Variants in PITPNC1 observed in about 807,000 individuals in gnomAD.
PITPNC1 encodes cytoplasmic phosphatidylinositol transfer protein 1.
In PITPNC1, 18 loss-of-function variants were observed where a neutral mutation model predicts 44.7. That is an observed-to-expected ratio of 0.40 (90% CI 0.28 to 0.60). PITPNC1 has a LOEUF of 0.60. Among genes scored for constraint, PITPNC1 ranks in the 20% least tolerant of loss-of-function variants. The probability of loss-of-function intolerance (pLI) is 0.39; values close to 1 mark genes in which losing one functional copy is unlikely to be tolerated. For missense variants in PITPNC1, 290 were observed against 418.4 expected (o/e 0.69, Z 2.68); for synonymous variants, 141 against 149.6 (o/e 0.94, Z 0.42).
chr17:67,629,311 C>T (rs575401689), intron 5 of PITPNC1, among the ~76,000 whole-genome samples: 2 of 138,956 alleles, frequency 1.4e-5, no homozygotes, highest in Non-Finnish European at 3.1e-5. Context: ...CTCACTCTGT[C>T]GACCAGGCTG....
At chr17:67,443,499 C>T (rs778446803) in intron 1 of PITPNC1, among the ~76,000 whole-genome samples, 1 of 151,688 alleles carries the variant, frequency 6.6e-6, no homozygotes, top group East Asian at 1.9e-4. Flanking sequence ...CTCCTTGAGG[C>T]GAGCAACCGG....
intron 8 of PITPNC1, among the ~76,000 whole-genome samples, chr17:67,684,939 G>C (rs16961171): frequency 9.5e-4 from 145 of 152,268 alleles, no homozygotes; most frequent in African/African-American, 3.4e-3. Flanking sequence ...GGATTCAATA[G>C]AACAAAAAAA....
intron 1 of PITPNC1, among the ~76,000 whole-genome samples, chr17:67,389,247 A>T (rs538553389): frequency 6.6e-6 from 1 of 152,232 alleles, no homozygotes; most frequent in Non-Finnish European, 1.5e-5. Flanking sequence ...AGGAGCTTCT[A>T]CTGCAACTTC....
chr17:67,645,274 G>A (rs1432590282), intron 6 of PITPNC1, among the ~76,000 whole-genome samples: 2 of 151,526 alleles, frequency 1.3e-5, no homozygotes, highest in Non-Finnish European at 2.9e-5. Context: ...CCTGAAGGCG[G>A]AGGTTGCGGT....
chr17:67,578,618 G>A (rs767011170), intron 5 of PITPNC1, among the ~76,000 whole-genome samples: 6 of 152,110 alleles, frequency 3.9e-5, no homozygotes, highest in Admixed American at 6.6e-5. Flanking sequence ...TATCTACTTC[G>A]GAAAGGGAAT....
intron 1 of PITPNC1, among the ~76,000 whole-genome samples, chr17:67,491,945 G>C (rs2916138): frequency 0.78 from 118,410 of 151,664 alleles, 46,318 homozygotes; most frequent in Middle Eastern, 0.86. Context: ...GCCAAAAACT[G>C]TGCTGGCATT....
intron 6 of PITPNC1, among the ~76,000 whole-genome samples, chr17:67,657,796 C>G (rs9646430): frequency 0.037 from 5,637 of 152,310 alleles, 137 homozygotes; most frequent in Non-Finnish European, 0.06. Context: ...TTTTGCTGTG[C>G]AAGCAATACT....
chr17:67,692,678 G>C lies in PITPNC1; in HGVS notation c.789G>C (p.Leu263=). The C allele has an allele frequency of 1.9e-6, 3 of 1,613,700 alleles. No homozygotes were observed. Among genetic ancestry groups the C allele is most frequent in the Non-Finnish European group, 2.5e-6 (3 of 1,179,702 alleles). ...PPAISISSIP[L]LPSSVRSAPS... is the part of the protein sequence containing the mutation. The stretch of plus-strand genomic sequence containing the variant: ...CAATTTCTATCTCCAGCATCCCCCT[G>C]CTGCCTTCTTCCGTCCGCAGTGCGC... Residue 263 remains leucine (L), a synonymous_variant, in exon 9 of 9, where the codon CTG becomes CTC. Transcript: ENST00000581322.
At chr17:67,480,736 T>C (rs1037106398) in intron 1 of PITPNC1, among the ~76,000 whole-genome samples, 1 of 152,296 alleles carries the variant, frequency 6.6e-6, no homozygotes, top group Non-Finnish European at 1.5e-5. Context: ...CAGCATGACT[T>C]TTCTTCTGTC....
intron 6 of PITPNC1, among the ~76,000 whole-genome samples, chr17:67,649,234 G>T (rs1412501447): frequency 6.6e-6 from 1 of 152,184 alleles, no homozygotes; most frequent in Non-Finnish European, 1.5e-5. Context: ...CAAGACTTGG[G>T]TGATACTAAT....
chr17:67,546,295 G>GTATA (rs67276045), intron 2 of PITPNC1, among the ~76,000 whole-genome samples: 2 of 149,662 alleles, frequency 1.3e-5, no homozygotes, highest in South Asian at 2.1e-4. Flanking sequence ...GACTATATAT[G>GTATA]TATATATATA....
At chr17:67,416,278 C>T (rs1283438988) in intron 1 of PITPNC1, among the ~76,000 whole-genome samples, 3 of 129,380 alleles carry the variant, frequency 2.3e-5, no homozygotes, top group African/African-American at 8.8e-5. Context: ...GGTGCAATCT[C>T]GGCTCACTGC....
At chr17:67,460,855 C>T (rs1008880706) in intron 1 of PITPNC1, among the ~76,000 whole-genome samples, 1 of 150,616 alleles carries the variant, frequency 6.6e-6, no homozygotes, top group African/African-American at 2.4e-5. Context: ...AGTGATTCTC[C>T]TGCCTCAGCC....
chr17:67,438,530 G>A (rs1253981820), intron 1 of PITPNC1, among the ~76,000 whole-genome samples: 3 of 152,106 alleles, frequency 2.0e-5, no homozygotes, highest in African/African-American at 7.2e-5. Flanking sequence ...TGGCCAAGCT[G>A]GTCTTGAACT....
At chr17:67,527,968 T>C (rs1213146939) in intron 1 of PITPNC1, among the ~76,000 whole-genome samples, 1 of 152,202 alleles carries the variant, frequency 6.6e-6, no homozygotes, top group Non-Finnish European at 1.5e-5. Context: ...GCCACTGAAC[T>C]CTAGCCTGGG....
chr17:67,682,789 A>G (rs1227793376), intron 8 of PITPNC1, among the ~76,000 whole-genome samples: 2 of 152,236 alleles, frequency 1.3e-5, no homozygotes, highest in Non-Finnish European at 1.5e-5. Flanking sequence ...AGAGTAAATT[A>G]TGACCTTTCA....
intron 6 of PITPNC1, 82 bp from the exon 7 acceptor site, chr17:67,669,426 G>A: frequency 9.6e-7 from 1 of 1,039,538 alleles, no homozygotes; most frequent in Non-Finnish European, 1.4e-6. Flanking sequence ...CTATTTCTAT[G>A]TTATTTAATA....
At chr17:67,636,538 G>T (rs2706686) in intron 6 of PITPNC1, among the ~76,000 whole-genome samples, 124,622 of 152,120 alleles carry the variant, frequency 0.82, 51,161 homozygotes, top group African/African-American at 0.88. Flanking sequence ...CTGGCATCTG[G>T]AACAGGTGGA....
intron 1 of PITPNC1, chr17:67,408,873 G>C (rs1034921117): frequency 1.3e-5 from 2 of 151,966 alleles, no homozygotes; most frequent in African/African-American, 4.8e-5. Context: ...CACTACGTTT[G>C]GACCAGCCTT....
Sources: allele counts gnomAD v4.1 joint callset (sites outside exome capture counted in the v4.1 genomes callset), GRCh38; gene constraint gnomAD v4.1.1; transcripts MANE v1.5; gene names NCBI Gene and HGNC (gene_info 2026-07-23, HGNC 2026-07-21).